AGMO: variants seen among roughly 807,000 people sequenced by gnomAD.
The protein encoded by AGMO is glyceryl-ether monooxygenase.
AGMO carries 75 observed loss-of-function variants against 60.2 expected under a neutral mutation model. The observed-to-expected ratio is 1.25, with a 90% CI of 1.03 to 1.51. The LOEUF is 1.51. Ranked by LOEUF, AGMO falls within the 40% of genes most tolerant of loss-of-function variation. AGMO has a pLI of 0.00. For missense variants in AGMO, 763 were observed against 525.5 expected (o/e 1.45, Z -4.42); for synonymous variants, 261 against 177.1 (o/e 1.47, Z -3.76).
chr7:15,371,492 GC>G (rs1207606337), intron 10 of AGMO, among the ~76,000 whole-genome samples: 1 of 152,030 alleles, frequency 6.6e-6, no homozygotes, highest in African/African-American at 2.4e-5. Context: ...CTGGGTTCAA[GC>G]AATTCACCTG....
At chr7:15,505,544 C>T (rs1394459450) in intron 3 of AGMO, among the ~76,000 whole-genome samples, 4 of 151,952 alleles carry the variant, frequency 2.6e-5, no homozygotes, top group South Asian at 2.1e-4. Flanking sequence ...CCCTTCGATT[C>T]GTTTCCTATT....
chr7:15,394,664 G>A (rs970582714), intron 5 of AGMO, among the ~76,000 whole-genome samples: 1 of 152,118 alleles, frequency 6.6e-6, no homozygotes, highest in Non-Finnish European at 1.5e-5. Flanking sequence ...CGGGAGCAGG[G>A]TATAACTAGG....
At chr7:15,396,812 G>A (rs1219831503) in intron 5 of AGMO, among the ~76,000 whole-genome samples, 1 of 152,080 alleles carries the variant, frequency 6.6e-6, no homozygotes, top group East Asian at 1.9e-4. Context: ...ACAGAGAGCT[G>A]ATTGGTCCAT....
chr7:15,368,757 TCACAGGAA>T (rs1783085178), intron 10 of AGMO, among the ~76,000 whole-genome samples: 2 of 152,134 alleles, frequency 1.3e-5, no homozygotes. Flanking sequence ...CTTCCAGATG[TCACAGGAA>T]ACTCACAGAT....
chr7:15,394,381 G>C (rs1330723765), intron 5 of AGMO, among the ~76,000 whole-genome samples: 1 of 152,152 alleles, frequency 6.6e-6, no homozygotes, highest in Non-Finnish European at 1.5e-5. Flanking sequence ...CTGAGACGTG[G>C]CATGGTGAGT....
At chr7:15,396,748 CATTTT>C (rs1784406327) in intron 5 of AGMO, among the ~76,000 whole-genome samples, 2 of 151,514 alleles carry the variant, frequency 1.3e-5, no homozygotes, top group African/African-American at 4.9e-5. Context: ...CTGATTGGTC[CATTTT>C]ACGGAGAGCT....
chr7:15,209,986 G>C (rs1332064657), intron 12 of AGMO, among the ~76,000 whole-genome samples: 1 of 152,030 alleles, frequency 6.6e-6, no homozygotes, highest in Non-Finnish European at 1.5e-5. Flanking sequence ...GTGTGAGCCT[G>C]TATCAACACC....
chr7:15,423,708 C>G (rs2128495881), intron 4 of AGMO, among the ~76,000 whole-genome samples: 1 of 90,504 alleles, frequency 1.1e-5, no homozygotes, highest in Non-Finnish European at 2.7e-5. Context: ...GACATGCACA[C>G]AGCGAGAATG....
intron 12 of AGMO, among the ~76,000 whole-genome samples, chr7:15,256,294 C>T (rs149249865): frequency 6.6e-6 from 1 of 152,234 alleles, no homozygotes; most frequent in Non-Finnish European, 1.5e-5. Flanking sequence ...TAACAAACCA[C>T]ATATACGGTG....
At chr7:15,396,075 TG>T (rs1407801147) in intron 5 of AGMO, 1 of 152,238 alleles carries the variant, frequency 6.6e-6, no homozygotes, top group East Asian at 1.9e-4. Flanking sequence ...CTCTCCCTGT[TG>T]CCCAGCTGCT....
chr7:15,236,695 G>C (rs1180963591), intron 12 of AGMO, among the ~76,000 whole-genome samples: 3 of 152,072 alleles, frequency 2.0e-5, no homozygotes, highest in African/African-American at 7.2e-5. Context: ...ATGATTTAAA[G>C]ATGCAGATTA....
At chr7:15,464,664 G>A (rs913104301) in intron 3 of AGMO, among the ~76,000 whole-genome samples, 2 of 152,136 alleles carry the variant, frequency 1.3e-5, no homozygotes, top group Non-Finnish European at 1.5e-5. Flanking sequence ...GAGGTTAGAG[G>A]TTATTTGAGA....
chr7:15,529,555 GAATATATATTCTATATAT>G (rs1562554671), intron 3 of AGMO, among the ~76,000 whole-genome samples: 6 of 105,100 alleles, frequency 5.7e-5, no homozygotes, highest in Non-Finnish European at 1.1e-4. Context: ...TATATATATA[GAATATATATTCTATATAT>G]AGAGTATATA....
At chr7:15,236,876 C>A (rs1276067055) in intron 12 of AGMO, among the ~76,000 whole-genome samples, 15 of 151,792 alleles carry the variant, frequency 9.9e-5, no homozygotes, top group African/African-American at 3.4e-4. Flanking sequence ...CACCTCTGAC[C>A]TAAAACCTGA....
At chr7:15,455,663 GTTTA>G (rs1781982970) in intron 3 of AGMO, among the ~76,000 whole-genome samples, 1 of 152,044 alleles carries the variant, frequency 6.6e-6, no homozygotes, top group African/African-American at 2.4e-5. Context: ...TTGATTGATA[GTTTA>G]TTTAAGTATA....
At chr7:15,300,483 T>C (rs1326316168) in intron 12 of AGMO, among the ~76,000 whole-genome samples, 10 of 152,180 alleles carry the variant, frequency 6.6e-5, no homozygotes, top group Admixed American at 6.5e-4. Flanking sequence ...TTCATTGTTA[T>C]TTAATTAAGG....
At chr7:15,387,253 A>G (rs373931912) in intron 9 of AGMO, among the ~76,000 whole-genome samples, 153 bp downstream of exon 9, 1 of 152,192 alleles carries the variant, frequency 6.6e-6, no homozygotes, top group Non-Finnish European at 1.5e-5. Flanking sequence ...GTTGGTGGAT[A>G]CTCATTAAGT....
chr7:15,369,752 C>A (rs781434438), intron 10 of AGMO, among the ~76,000 whole-genome samples: 3 of 152,096 alleles, frequency 2.0e-5, no homozygotes, highest in Non-Finnish European at 4.4e-5. Context: ...TTTATCTCTT[C>A]ATTCACTGTC....
chr7:15,386,427 T>C (rs892186468), intron 9 of AGMO, among the ~76,000 whole-genome samples: 2 of 152,164 alleles, frequency 1.3e-5, no homozygotes, highest in African/African-American at 2.4e-5. Flanking sequence ...GAGTTATCTA[T>C]TGACAAAATG....
Sources: allele counts gnomAD v4.1 joint callset (sites outside exome capture counted in the v4.1 genomes callset), GRCh38; gene constraint gnomAD v4.1.1; transcripts MANE v1.5; gene names NCBI Gene and HGNC (gene_info 2026-07-23, HGNC 2026-07-21).